The following VWA5B1 variants were observed in gnomAD, a reference collection of about 807,000 sequenced individuals.
The protein encoded by VWA5B1 is von Willebrand factor A domain containing 5B1.
In VWA5B1, 115 loss-of-function variants were observed where a neutral mutation model predicts 118.2. The observed-to-expected ratio is 0.97, with a 90% confidence interval of 0.84 to 1.14. The LOEUF (loss-of-function observed/expected upper bound fraction) is 1.14. Among genes scored for constraint, VWA5B1 ranks in the 50% most tolerant of loss-of-function variants. The pLI, the probability that VWA5B1 is intolerant of heterozygous loss-of-function variation, is 0.00. For synonymous variants in VWA5B1, 682 were observed against 658.4 expected (o/e 1.04, Z -0.55); for missense variants, 1,596 against 1,603.8 (o/e 1.00, Z 0.08).
chr1:20,322,064 C>T (rs906854804), intron 7 of VWA5B1, among the ~76,000 whole-genome samples: 3 of 152,168 alleles, frequency 2.0e-5, no homozygotes, highest in African/African-American at 7.2e-5. Context: ...AGAGACAGTC[C>T]TCTCCTGAAC....
chr1:20,325,352 C>G (rs1210554033), intron 8 of VWA5B1, among the ~76,000 whole-genome samples: 2 of 152,216 alleles, frequency 1.3e-5, no homozygotes, highest in Non-Finnish European at 2.9e-5. Context: ...ATTTTCAACT[C>G]TGGGATTCAT....
At chr1:20,324,523 G>T (rs2089318817) in intron 8 of VWA5B1, among the ~76,000 whole-genome samples, 1 of 152,172 alleles carries the variant, frequency 6.6e-6, no homozygotes, top group Non-Finnish European at 1.5e-5. Flanking sequence ...TTTCCATGGG[G>T]CCTAGCTCTG....
At chr1:20,348,128 C>A in intron 17 of VWA5B1, 117 bp from the exon 18 acceptor site, 1 of 994,186 alleles carries the variant, frequency 1.0e-6, no homozygotes, top group South Asian at 1.5e-5. Context: ...ACAACACCTT[C>A]CTGCCTTTGG....
chr1:20,336,356 C>T lies in VWA5B1; in HGVS notation c.1812C>T (p.Val604=). The T allele has an allele frequency of 1.3e-6, 2 of 1,528,926 alleles. No individual in the cohort carries two copies. Among genetic ancestry groups the T allele is most frequent in the Non-Finnish European group, 1.8e-6 (2 of 1,135,606 alleles). 94.7% of individuals were successfully genotyped at this position (1,528,926 alleles called of 1,614,324 possible). A position where few individuals can be genotyped will look rare whatever the true frequency, so the allele number is the denominator to read the frequency against. ...ACTCTCAGGAGTCTGGCAGCTCTGT[C>T]TTCTACCACTCTCAGGATGACGGAC... ...MLHSQESGSS[V]FYHSQDDGPG... is the part of the protein sequence containing the mutation. Residue 604 remains valine, a synonymous_variant, in exon 13 of 22, where the codon GTC becomes GTT. Transcript: ENST00000289815.
intron 8 of VWA5B1, among the ~76,000 whole-genome samples, chr1:20,324,056 C>T (rs11580774): frequency 3.2e-4 from 48 of 152,360 alleles, no homozygotes; most frequent in African/African-American, 1.1e-3. Context: ...GTCCCCACCA[C>T]CTGACATCAG....
chr1:20,328,645 C>A (rs768656603), intron 9 of VWA5B1, among the ~76,000 whole-genome samples: 10 of 152,106 alleles, frequency 6.6e-5, no homozygotes, highest in Admixed American at 2.0e-4. Flanking sequence ...ATGTTGCATG[C>A]GCTTGTAATC....
intron 12 of VWA5B1, among the ~76,000 whole-genome samples, chr1:20,333,749 G>C (rs1300634754): frequency 6.6e-6 from 1 of 152,216 alleles, no homozygotes; most frequent in African/African-American, 2.4e-5. Flanking sequence ...ACTTCTGAAA[G>C]GGAGGTGAAG....
In VWA5B1 at chr1:20,343,242, G is replaced by T. The variant is rs1254673895; in HGVS notation, c.2475G>T (p.Trp825Cys). 2.6e-6 allele frequency: 4 copies of T among 1,549,152 alleles called. No homozygotes were observed. In the African/African-American group the frequency reaches 5.5e-5, roughly 21 times the overall value. The change falls in exon 16 of 22, where the codon TGG (tryptophan) becomes TGT (cysteine). Residue 825 changes from tryptophan to cysteine, a missense_variant. Coordinates refer to ENST00000289815, the MANE Select transcript of VWA5B1 (RefSeq NM_001039500.3). ...KGLHDSQRLQ[W>C]EVSFELGTPG... ...TGCACGACAGCCAACGCCTGCAGTG[G>T]GAGGTGAGCTTCGAGCTGGGGACCC...
At chr1:20,320,509 A>G (rs1251252298) in intron 7 of VWA5B1, among the ~76,000 whole-genome samples, 1 of 152,220 alleles carries the variant, frequency 6.6e-6, no homozygotes, top group Admixed American at 6.5e-5. Flanking sequence ...CAGAGGTCCC[A>G]TTGAGCTCTG....
chr1:20,296,268 G>T (rs891416022), intron 1 of VWA5B1, among the ~76,000 whole-genome samples: 4 of 152,206 alleles, frequency 2.6e-5, no homozygotes, highest in African/African-American at 9.6e-5. Context: ...CAGAACCAGC[G>T]TTGATCCCTG....
intron 1 of VWA5B1, among the ~76,000 whole-genome samples, chr1:20,307,774 A>T (rs556879337): frequency 8.0e-4 from 121 of 151,114 alleles, no homozygotes; most frequent in African/African-American, 2.6e-3. Flanking sequence ...CCTCCACAGG[A>T]TTTAAAGTTT....
In VWA5B1 at chr1:20,358,379, T is replaced by C. The variant is rs2090265286; in HGVS notation, c.*4116T>C. 1.3e-5 allele frequency among the ~76,000 whole-genome samples: 2 copies of C among 152,348 alleles called. No individual in the cohort carries two copies. The highest frequency in any genetic ancestry group is 1.5e-5 in the Non-Finnish European group (1 of 68,026). On this transcript the variant is annotated 3_prime_UTR_variant, in exon 22 of 22. Coordinates refer to ENST00000289815, the MANE Select transcript of VWA5B1 (RefSeq NM_001039500.3). ...TCCTGACTTGCCCTCTGTTAATCCC[T>C]ACCCTTATTTGAGGGCCATGCTACT...
chr1:20,294,597 A>G (rs2088370031), intron 1 of VWA5B1, among the ~76,000 whole-genome samples: 1 of 152,198 alleles, frequency 6.6e-6, no homozygotes, highest in African/African-American at 2.4e-5. Context: ...CACCTGCCTC[A>G]GCCTCCCAAG....
chr1:20,311,466 C>A (rs1371821090), intron 2 of VWA5B1, among the ~76,000 whole-genome samples: 1 of 152,252 alleles, frequency 6.6e-6, no homozygotes, highest in African/African-American at 2.4e-5. Flanking sequence ...TCTCTGCTGT[C>A]CAGATGCCCT....
At chr1:20,342,766 G>A (rs570499198) in intron 15 of VWA5B1, among the ~76,000 whole-genome samples, 157 bp downstream of exon 15, 2 of 152,246 alleles carry the variant, frequency 1.3e-5, no homozygotes, top group African/African-American at 4.8e-5. Flanking sequence ...CCAATCCCAC[G>A]CTTCCCAGTC....
At chr1:20,319,341 G>A (rs985909713) in intron 6 of VWA5B1, 41 bp from the exon 7 acceptor site, 14 of 1,546,804 alleles carry the variant, frequency 9.1e-6, no homozygotes, top group East Asian at 2.5e-5. Context: ...CTTCTCCTAC[G>A]ATACCTGGCC....
In VWA5B1 at chr1:20,353,993, C is replaced by T. The variant is rs1269270867; in HGVS notation, c.3378C>T (p.Gly1126=). Residue 1126 remains glycine, a synonymous_variant, in exon 22 of 22, where the codon GGC becomes GGT. Coordinates refer to ENST00000289815, the MANE Select transcript of VWA5B1 (RefSeq NM_001039500.3). ...SLEPLAKGKL[G]LEPRAVVEHT... ...AGCCTCTGGCCAAGGGCAAGCTGGG[C>T]CTGGAGCCGAGGGCAGTGGTGGAGC... 1.2e-5 allele frequency: 19 copies of T among 1,551,740 alleles called. 1 individual carries two copies. The South Asian group carries it at 1.4e-4, about 12-fold the overall frequency.
At chr1:20,308,400 G>A (rs919986416) in intron 1 of VWA5B1, among the ~76,000 whole-genome samples, 2 of 152,164 alleles carry the variant, frequency 1.3e-5, no homozygotes, top group African/African-American at 2.4e-5. Context: ...GTCTGGGATC[G>A]CTGCATGTCT....
At chr1:20,332,086 T>G (rs974554255) in intron 11 of VWA5B1, among the ~76,000 whole-genome samples, 8 of 152,184 alleles carry the variant, frequency 5.3e-5, no homozygotes, top group African/African-American at 1.9e-4. Flanking sequence ...GTAAATAAAT[T>G]TGCTCAAGAT....
Sources: gnomAD v4.1 joint callset for allele counts (sites outside exome capture counted in the v4.1 genomes callset) on GRCh38, gnomAD v4.1.1 for gene constraint, MANE v1.5 for transcripts, NCBI Gene and HGNC (gene_info 2026-07-23, HGNC 2026-07-21) for gene names.